The following CGB1 variants were observed in gnomAD, a reference collection of about 807,000 sequenced individuals.
The protein encoded by CGB1 is choriogonadotropin subunit beta variant 1.
Under a neutral mutation model 7.0 loss-of-function variants are expected in CGB1, and 4 were observed. The observed-to-expected ratio is 0.57, with a 90% CI of 0.28 to 1.31. The LOEUF is 1.31. Among genes scored for constraint, CGB1 ranks in the 50% most tolerant of loss-of-function variants. The probability of loss-of-function intolerance (pLI) is 0.10; values close to 1 mark genes in which losing one functional copy is unlikely to be tolerated. For synonymous variants in CGB1, 72 were observed against 96.4 expected, an observed-to-expected ratio of 0.75 and a Z score of 1.48; for missense variants, 139 against 219.1, an observed-to-expected ratio of 0.63 and a Z score of 2.31.
At position 49,036,886 on chromosome 19, in the gene CGB1, C is replaced by T. The variant is rs532769722; in HGVS notation, c.-175G>A. 9 of 884,458 alleles carry T rather than the reference C, an allele frequency of 1.0e-5. No homozygotes were observed. Among genetic ancestry groups the T allele is most frequent in the Middle Eastern group, 2.3e-4 (1 of 4,342 alleles). The allele number at this position is 884,458 out of a possible 1,614,324, so 54.8% of individuals were successfully genotyped here. ...TCTCTCTCAGATGCAGTTCCCCTTC[C>T]TCCCTCCAGGGGGCGCCACGGAACG... On this transcript the variant is annotated 5_prime_UTR_variant, in exon 1 of 3. Coordinates refer to ENST00000301407, the MANE Select transcript of CGB1 (RefSeq NM_033377.2).
In CGB1 at chr19:49,036,726, G is replaced by C. The variant is rs1382985885; in HGVS notation, c.-15C>G. The C allele has an allele frequency of 3.7e-6, 6 of 1,613,732 alleles. No homozygotes were observed. The East Asian group carries it at 1.1e-4, about 30-fold the overall frequency. On this transcript the variant is annotated 5_prime_UTR_variant, in exon 1 of 3. Coordinates refer to ENST00000301407, the MANE Select transcript of CGB1 (RefSeq NM_033377.2). ...ACCTTTGACATGTCTCTCTCTTAGC[G>C]GGATATCTTCCGCAAGCACTGGGAA...
intron 1 of CGB1, 31 bp downstream of exon 1, chr19:49,036,672 T>C (rs1297346629): frequency 1.1e-5 from 18 of 1,613,824 alleles, no homozygotes; most frequent in African/African-American, 2.7e-5. Context: ...CATCTCCATC[T>C]TTGGTGCCCG....
In CGB1 at chr19:49,035,636, T is replaced by A. The variant is rs570788485; in HGVS notation, c.442A>T (p.Ser148Cys). ...SSKAPPPSLP[S>C]PSRLPGP The stretch of plus-strand genomic sequence containing the variant: ...TAGGGCCCCGGGAGACGGGATGGAC[T>A]TGGAAGGCTGGGGGGAGGGGCCTTT... The change falls in exon 3 of 3, where the codon AGT becomes TGT. Residue 148 changes from serine to cysteine, a missense_variant. By Grantham distance (112) the Ser-to-Cys change is moderately radical. Coordinates refer to ENST00000301407, the MANE Select transcript of CGB1 (RefSeq NM_033377.2). The A allele has an allele frequency of 6.2e-7, 1 of 1,611,012 alleles. No individual in the cohort carries two copies. The highest frequency in any genetic ancestry group is 1.4e-5 in the African/African-American group (1 of 74,062).
chr19:49,035,590 T>G lies in CGB1; in HGVS notation c.*20A>C. ...AGAGTGCGGATTGAGAAGCCTTTAT[T>G]GTGGGAGGATCGGGGTGTCCTAGGG... On this transcript the variant is annotated 3_prime_UTR_variant, in exon 3 of 3. Coordinates refer to ENST00000301407, the MANE Select transcript of CGB1 (RefSeq NM_033377.2). The G allele has an allele frequency of 1.2e-6, 2 of 1,611,892 alleles. No individual in the cohort carries two copies. The highest frequency in any genetic ancestry group is 2.2e-4 in the Middle Eastern group (1 of 4,494).
Sources: gnomAD v4.1 joint callset for allele counts on GRCh38, gnomAD v4.1.1 for gene constraint, MANE v1.5 for transcripts, NCBI Gene and HGNC (gene_info 2026-07-23, HGNC 2026-07-21) for gene names.